The following RAP1A variants were observed in gnomAD, a reference collection of about 807,000 sequenced individuals.
RAP1A encodes the protein ras-related protein Rap-1A.
RAP1A carries 6 observed loss-of-function variants against 26.4 expected under a neutral mutation model. The ratio of observed to expected loss-of-function variants is 0.23; its 90% CI spans 0.12 to 0.45. The LOEUF is 0.45. Ranked by LOEUF, RAP1A falls within the 20% of genes least tolerant of loss-of-function variation. The pLI, the probability that RAP1A is intolerant of heterozygous loss-of-function variation, is 0.99. For missense variants in RAP1A, 121 were observed against 217.2 expected, an observed-to-expected ratio of 0.56 and a Z score of 2.78; for synonymous variants, 73 against 79.4, an observed-to-expected ratio of 0.92 and a Z score of 0.43.
In RAP1A at chr1:111,662,053, G is replaced by C. The variant is rs374919933; in HGVS notation, c.-27-29281G>C. Among the ~76,000 whole-genome samples the C allele has an allele frequency of 2.0e-5, 3 of 151,962 alleles. No individual in the cohort carries two copies. In the East Asian group the frequency reaches 5.8e-4, roughly 29 times the overall value. On this transcript the variant is annotated intron_variant, in intron 1 of 7. Coordinates refer to ENST00000369709, the MANE Select transcript of RAP1A (RefSeq NM_002884.4). The stretch of plus-strand genomic sequence containing the variant: ...ACTGATTCATCTCTCATGAAGGCAG[G>C]GCTTTAACTAATTTCCTTGTTTTTC...
chr1:111,562,692 C>A (rs764411359), intron 1 of RAP1A, among the ~76,000 whole-genome samples: 4 of 152,194 alleles, frequency 2.6e-5, no homozygotes, highest in Non-Finnish European at 5.9e-5. Context: ...CATTGTGAAT[C>A]CAAGAAAATA....
In RAP1A at chr1:111,703,454, T is replaced by C. The variant is rs1396685436; in HGVS notation, c.302T>C (p.Leu101Ser). ...NDLQDLREQI[L>S]RVKDTEDVPM... Reference sequence around the variant, plus strand: ...TTACAGGACCTGAGGGAACAGATTTTACGGGTTAAGGACACGGAAGATGTA... The same window carrying C: ...TTACAGGACCTGAGGGAACAGATTTCACGGGTTAAGGACACGGAAGATGTA... The change falls in exon 5 of 8, where the codon TTA (leucine) becomes TCA (serine). Residue 101 changes from leucine (L) to serine (S), a missense_variant. By Grantham distance (145) the Leu-to-Ser change is moderately radical. Transcript: ENST00000369709. The C allele has an allele frequency of 1.2e-6, 2 of 1,604,876 alleles. No homozygotes were observed.
chr1:111,677,242 T>C (rs998260439), intron 1 of RAP1A, among the ~76,000 whole-genome samples: 2 of 152,256 alleles, frequency 1.3e-5, no homozygotes, highest in African/African-American at 4.8e-5. Flanking sequence ...GTTGGATATA[T>C]CACAATTTAT....
intron 1 of RAP1A, among the ~76,000 whole-genome samples, chr1:111,671,939 T>G (rs576316469): frequency 1.3e-5 from 2 of 152,382 alleles, no homozygotes; most frequent in South Asian, 4.1e-4. Flanking sequence ...TCTAGTTTAA[T>G]TTCATTTTGG....
At chr1:111,622,935 A>G (rs1295139244) in intron 1 of RAP1A, among the ~76,000 whole-genome samples, 1 of 152,178 alleles carries the variant, frequency 6.6e-6, no homozygotes, top group African/African-American at 2.4e-5. Context: ...TGTATGGTTG[A>G]TGATATTTTA....
chr1:111,688,281 G>GT (rs1431221590), intron 1 of RAP1A, among the ~76,000 whole-genome samples: 1 of 130,642 alleles, frequency 7.7e-6, no homozygotes, highest in Non-Finnish European at 1.6e-5. Flanking sequence ...GTGTGTGTGT[G>GT]TGTGTGTGTG....
chr1:111,569,159 T>G (rs1313000497), intron 1 of RAP1A, among the ~76,000 whole-genome samples: 1 of 152,010 alleles, frequency 6.6e-6, no homozygotes, highest in Non-Finnish European at 1.5e-5. Flanking sequence ...TCCCAGCACT[T>G]TGGGAGGCCG....
chr1:111,634,251 C>A (rs984851400), intron 1 of RAP1A, among the ~76,000 whole-genome samples: 1 of 152,112 alleles, frequency 6.6e-6, no homozygotes, highest in Non-Finnish European at 1.5e-5. Context: ...TCTTCCCTCC[C>A]TGGTTAATTT....
intron 4 of RAP1A, 151 bp from the exon 5 acceptor site, chr1:111,703,185 C>T (rs1404580562): frequency 2.2e-6 from 1 of 461,912 alleles, no homozygotes; most frequent in Non-Finnish European, 3.7e-6. Context: ...CTAGTCACCT[C>T]AGTTGCTAGA....
intron 4 of RAP1A, among the ~76,000 whole-genome samples, chr1:111,700,202 T>C (rs1374441819): frequency 6.6e-6 from 1 of 152,204 alleles, no homozygotes; most frequent in Non-Finnish European, 1.5e-5. Flanking sequence ...ATACTAACTT[T>C]GTAACCCTGT....
intron 6 of RAP1A, among the ~76,000 whole-genome samples, chr1:111,708,784 T>A (rs1171643902): frequency 6.6e-6 from 1 of 152,190 alleles, no homozygotes; most frequent in Non-Finnish European, 1.5e-5. Flanking sequence ...TGTGTGTGTA[T>A]GTATGTGTAG....
At chr1:111,550,640 C>A (rs1290934717) in intron 1 of RAP1A, among the ~76,000 whole-genome samples, 2 of 152,082 alleles carry the variant, frequency 1.3e-5, no homozygotes, top group African/African-American at 4.8e-5. Context: ...ATTTAGGAAC[C>A]TTCCTGATTT....
chr1:111,587,837 G>A (rs1658406167), intron 1 of RAP1A, among the ~76,000 whole-genome samples: 1 of 152,134 alleles, frequency 6.6e-6, no homozygotes, highest in Non-Finnish European at 1.5e-5. Context: ...ATTTAATGCT[G>A]TGAAATATTC....
At chr1:111,660,332 A>T (rs977821391) in intron 1 of RAP1A, among the ~76,000 whole-genome samples, 1 of 152,034 alleles carries the variant, frequency 6.6e-6, no homozygotes, top group Non-Finnish European at 1.5e-5. Flanking sequence ...TTCTTTCAGC[A>T]TTTTCTCTTT....
chr1:111,543,742 G>A (rs1173699622), intron 1 of RAP1A, among the ~76,000 whole-genome samples: 1 of 151,818 alleles, frequency 6.6e-6, no homozygotes, highest in African/African-American at 2.4e-5. Context: ...GAAGAGGAGG[G>A]AAGAAGCCCT....
chr1:111,690,779 A>G (rs34048598), intron 1 of RAP1A, among the ~76,000 whole-genome samples: 13,236 of 152,288 alleles, frequency 0.087, 770 homozygotes, highest in African/African-American at 0.18. Context: ...CTTATGGCGT[A>G]TATTGCTAAT....
intron 1 of RAP1A, among the ~76,000 whole-genome samples, chr1:111,595,010 A>G (rs990250435): frequency 6.6e-6 from 1 of 152,208 alleles, no homozygotes; most frequent in Admixed American, 6.5e-5. Flanking sequence ...GTATATATGG[A>G]ATTGTGTATG....
Position 111,682,728 on chromosome 1 carries a change from G to A in RAP1A, c.-27-8606G>A, listed in dbSNP as rs529933499. ...ACTTAGACTTCCACACAATCATAGT[G>A]GGAGACTTTAACACACCACTGTCAA... On this transcript the variant is annotated intron_variant, in intron 1 of 7. Coordinates refer to ENST00000369709, the MANE Select transcript of RAP1A (RefSeq NM_002884.4). 2.6e-5 allele frequency among the ~76,000 whole-genome samples: 4 copies of A among 152,230 alleles called. No homozygotes were observed. The East Asian group carries it at 5.8e-4, about 22-fold the overall frequency.
chr1:111,634,890 G>A (rs990855114), intron 1 of RAP1A, among the ~76,000 whole-genome samples: 2 of 151,978 alleles, frequency 1.3e-5, no homozygotes, highest in Non-Finnish European at 2.9e-5. Context: ...TGATCTACCC[G>A]CCTCGGCCTC....
Sources: allele counts gnomAD v4.1 joint callset (sites outside exome capture counted in the v4.1 genomes callset), GRCh38; gene constraint gnomAD v4.1.1; transcripts MANE v1.5; gene names NCBI Gene and HGNC (gene_info 2026-07-23, HGNC 2026-07-21).